Variants in DLG5 observed in about 807,000 individuals in gnomAD.
DLG5 encodes the protein discs large MAGUK scaffold protein 5.
Under a neutral mutation model 189.8 loss-of-function variants are expected in DLG5, and 48 were observed. The observed-to-expected ratio is 0.25, with a 90% CI of 0.20 to 0.32. DLG5 has a LOEUF of 0.32. DLG5 is among the 10% of genes least tolerant of loss of function. DLG5 has a pLI of 1.00. For synonymous variants in DLG5, 1,016 were observed against 1,054.1 expected (o/e 0.96, Z 0.70); for missense variants, 2,160 against 2,544.7 (o/e 0.85, Z 3.25).
chr10:77,925,879 A>G (rs1031036070), intron 1 of DLG5, among the ~76,000 whole-genome samples: 5 of 152,182 alleles, frequency 3.3e-5, no homozygotes, highest in African/African-American at 9.6e-5. Context: ...TGCCAAAGCT[A>G]GCGGACGGTG....
chr10:77,804,491 A>T (rs1168511586), intron 27 of DLG5, among the ~76,000 whole-genome samples: 5 of 152,192 alleles, frequency 3.3e-5, no homozygotes, highest in Non-Finnish European at 4.4e-5. Flanking sequence ...AAGCGAAGAG[A>T]GGGAGGGAGG....
Position 77,843,463 on chromosome 10 carries a change from C to A in DLG5, c.1108G>T (p.Ala370Ser), listed in dbSNP as rs376890245. ...DTAIQLQHQC[A>S]LSLRRFEAIH... ...TAGCCCTACCTCCTCAGGGAGAGGG[C>A]GCACTGGTGCTGCAGCTGGATGGCC... Residue 370 changes from alanine (A) to serine (S), a missense_variant, in exon 6 of 32, where the codon GCC becomes TCC. By Grantham distance (99) the Ala-to-Ser change is moderately conservative. Coordinates refer to ENST00000372391, the MANE Select transcript of DLG5 (RefSeq NM_004747.4). 1 of 1,613,796 alleles carries A rather than the reference C, an allele frequency of 6.2e-7. No homozygotes were observed. The highest frequency in any genetic ancestry group is 1.3e-5 in the African/African-American group (1 of 75,054).
intron 13 of DLG5, among the ~76,000 whole-genome samples, chr10:77,825,374 C>CCCCACACA (rs376716808): frequency 7.6e-6 from 1 of 130,816 alleles, no homozygotes; most frequent in African/African-American, 2.9e-5. Flanking sequence ...CCACACACAA[C>CCCCACACA]CACACACACA....
chr10:77,854,148 C>A, intron 4 of DLG5, 79 bp downstream of exon 4: 2 of 1,539,070 alleles, frequency 1.3e-6, no homozygotes, highest in African/African-American at 2.7e-5. Context: ...GAACCCCTGG[C>A]TACTAAGTCC....
At position 77,839,865 on chromosome 10, in the gene DLG5, T is replaced by C. The variant is rs537785537; in HGVS notation, c.1437+2016A>G. ...CCTCAAGGGTCTGGAGAAGTCTTGG[T>C]GGTTCCTTGTATGAAATTCCCATTA... On this transcript the variant is annotated intron_variant, in intron 7 of 31. Transcript: ENST00000372391. Among the ~76,000 whole-genome samples, 21 of 152,360 alleles carry C rather than the reference T, an allele frequency of 1.4e-4. No individual in the cohort carries two copies. In the Middle Eastern group the frequency reaches 0.01, roughly 74 times the overall value.
Position 77,844,491 on chromosome 10 carries a change from AATCGG to A in DLG5, c.865-790_865-786del, listed in dbSNP as rs769650553. ...ACATAGCCCAGAATCAGGTTATGTA[AATCGG>A]ACCTAAAGACTCTCAAAAGCCCTAG... is the stretch of plus-strand genomic sequence containing the variant. On this transcript the variant is annotated intron_variant, in intron 5 of 31. Coordinates refer to ENST00000372391, the MANE Select transcript of DLG5 (RefSeq NM_004747.4). 1.1e-4 allele frequency among the ~76,000 whole-genome samples: 17 copies of A among 152,310 alleles called. 3 individuals are homozygous for A. Among genetic ancestry groups the A allele is most frequent in the Admixed American group, 3.9e-4 (6 of 15,300 alleles).
chr10:77,823,406 A>G (rs1842461929), intron 14 of DLG5, among the ~76,000 whole-genome samples: 1 of 152,234 alleles, frequency 6.6e-6, no homozygotes, highest in African/African-American at 2.4e-5. Flanking sequence ...GAAAAGTATA[A>G]TAAATGTCCA....
intron 27 of DLG5, among the ~76,000 whole-genome samples, chr10:77,802,646 C>A (rs535966355): frequency 9.8e-4 from 149 of 152,352 alleles, no homozygotes; most frequent in African/African-American, 3.4e-3. Context: ...GGGTGCAGTG[C>A]CTTGCACTTT....
chr10:77,919,263 C>G (rs1274301224), intron 1 of DLG5, among the ~76,000 whole-genome samples: 1 of 152,052 alleles, frequency 6.6e-6, no homozygotes, highest in African/African-American at 2.4e-5. Context: ...TTATCCTACT[C>G]TGCTTACTTT....
chr10:77,817,053 G>A lies in DLG5; in HGVS notation c.3828C>T (p.Ile1276=), dbSNP rs1842094037. 1 of 1,614,056 alleles carries A rather than the reference G, an allele frequency of 6.2e-7. No individual in the cohort carries two copies. The highest frequency in any genetic ancestry group is 1.7e-5 in the Admixed American group (1 of 60,008). ...TCCGCGGATATCTTGGTGTTGATGG[G>A]ATTTTAATGCGTTCCGCCTTGAACT... is the stretch of plus-strand genomic sequence containing the variant. ...NLQFKAERIK[I]PSTPRYPRSV... Residue 1276 remains isoleucine, a synonymous_variant, in exon 19 of 32, where the codon ATC becomes ATT. Transcript: ENST00000372391.
chr10:77,803,519 C>T (rs895370162), intron 27 of DLG5, among the ~76,000 whole-genome samples: 5 of 152,092 alleles, frequency 3.3e-5, no homozygotes, highest in African/African-American at 1.2e-4. Context: ...CAAAAGAAAA[C>T]TGGTAATGTC....
At chr10:77,835,325 C>T (rs919565474) in intron 8 of DLG5, among the ~76,000 whole-genome samples, 1 of 152,194 alleles carries the variant, frequency 6.6e-6, no homozygotes, top group Non-Finnish European at 1.5e-5. Context: ...TCCCTCACTG[C>T]CGTGCCTGAC....
Position 77,842,156 on chromosome 10 carries a change from C to T in DLG5, c.1162G>A (p.Ala388Thr). 1 of 1,607,856 alleles carries T rather than the reference C, an allele frequency of 6.2e-7. No individual in the cohort carries two copies. Among genetic ancestry groups the T allele is most frequent in the Non-Finnish European group, 8.5e-7 (1 of 1,180,010 alleles). ...TCCCACTGCAGGTCCTTGTTCTGCG[C>T]CGTGGCCTTGTTCAGCTCATGGTGG... ...AIHHELNKAT[A>T]QNKDLQWEME... The change falls in exon 7 of 32, where the codon GCG becomes ACG. Residue 388 changes from alanine to threonine, a missense_variant. Ala to Thr is a moderately conservative substitution (Grantham distance 58). Transcript: ENST00000372391.
At chr10:77,927,094 G>A (rs1252111100), upstream of DLG5, 1 of 178,580 alleles carries the variant, frequency 5.6e-6, no homozygotes. Flanking sequence ...CCACAGCCCC[G>A]CCGCCGCCGG....
At position 77,794,123 on chromosome 10, in the gene DLG5, G is replaced by A; in HGVS notation, c.5547-6C>T. 4 of 1,613,014 alleles carry A rather than the reference G, an allele frequency of 2.5e-6. No homozygotes were observed. Among genetic ancestry groups the A allele is most frequent in the Non-Finnish European group, 2.5e-6 (3 of 1,179,096 alleles). On this transcript the variant is annotated splice_polypyrimidine_tract_variant and splice_region_variant and intron_variant, in intron 30 of 31. Transcript: ENST00000372391. Reference sequence around the variant, plus strand: ...AGATGGGGTCTCTCTGCTCCCTGTGGGGACAGCCAGACACCAGGCTGAGCA... The same window carrying A: ...AGATGGGGTCTCTCTGCTCCCTGTGAGGACAGCCAGACACCAGGCTGAGCA...
chr10:77,831,843 T>C (rs1842908659), intron 9 of DLG5, among the ~76,000 whole-genome samples: 1 of 152,244 alleles, frequency 6.6e-6, no homozygotes, highest in Admixed American at 6.5e-5. Context: ...AAATACCACT[T>C]AAATAGTTAT....
chr10:77,810,018 G>A (rs12249270), intron 23 of DLG5, among the ~76,000 whole-genome samples: 6,309 of 152,254 alleles, frequency 0.041, 451 homozygotes, highest in African/African-American at 0.14. Context: ...ATGCCTTAAA[G>A]ATCAGGATGG....
intron 11 of DLG5, 24 bp downstream of exon 11, chr10:77,830,193 C>T (rs1842833760): frequency 1.9e-6 from 3 of 1,613,630 alleles, no homozygotes; most frequent in Non-Finnish European, 2.5e-6. Context: ...ACCTTGCCTC[C>T]AGAGCCTGGG....
At chr10:77,932,487 G>T in the DLG5 span, among the ~76,000 whole-genome samples, 1 of 152,164 alleles carries the variant, frequency 6.6e-6, no homozygotes, top group Non-Finnish European at 1.5e-5. Flanking sequence ...TGGGAAGATG[G>T]GGAAGGAAAG....
Sources: allele counts gnomAD v4.1 joint callset (sites outside exome capture counted in the v4.1 genomes callset), GRCh38; gene constraint gnomAD v4.1.1; transcripts MANE v1.5; gene names NCBI Gene and HGNC (gene_info 2026-07-23, HGNC 2026-07-21).